The following MTMR3 variants were observed in gnomAD, a reference collection of about 807,000 sequenced individuals.
The protein encoded by MTMR3 is phosphatidylinositol-3,5-bisphosphate 3-phosphatase MTMR3.
Under a neutral mutation model 132.4 loss-of-function variants are expected in MTMR3, and 32 were observed. The ratio of observed to expected loss-of-function variants is 0.24; its 90% confidence interval spans 0.18 to 0.32. The LOEUF (loss-of-function observed/expected upper bound fraction) is 0.32. Among genes scored for constraint, MTMR3 ranks in the 10% least tolerant of loss-of-function variants. The pLI is 1.00. For synonymous variants in MTMR3, 556 were observed against 550.3 expected (o/e 1.01, Z -0.14); for missense variants, 1,216 against 1,489.6 (o/e 0.82, Z 3.02).
At chr22:29,984,161 C>T (rs952804116) in intron 5 of MTMR3, 5 of 152,050 alleles carry the variant, frequency 3.3e-5, no homozygotes, top group Admixed American at 2.0e-4. Context: ...CCCAGATATT[C>T]CACTTTATTA....
chr22:29,983,202 GT>G (rs1426530521), intron 5 of MTMR3: 2 of 152,148 alleles, frequency 1.3e-5, no homozygotes, highest in Non-Finnish European at 2.9e-5. Context: ...AATTTGTAGG[GT>G]AAGGAAAAAG....
At chr22:30,014,893 T>G (rs987796135) in intron 14 of MTMR3, 2 of 152,298 alleles carry the variant, frequency 1.3e-5, no homozygotes, top group Non-Finnish European at 2.9e-5. Context: ...ATTTCATCCA[T>G]TCTAGTGGCT....
At chr22:29,907,232 C>T (rs747674990) in intron 1 of MTMR3, among the ~76,000 whole-genome samples, 1 of 151,846 alleles carries the variant, frequency 6.6e-6, no homozygotes, top group Non-Finnish European at 1.5e-5. Context: ...AACCCCGTCC[C>T]TACTAAAAAA....
intron 8 of MTMR3, 139 bp from the exon 9 acceptor site, chr22:30,002,741 G>A (rs886459272): frequency 1.4e-4 from 85 of 601,624 alleles, no homozygotes; most frequent in Admixed American, 4.2e-4. Context: ...CGAATAAAGC[G>A]CCTCATTGCC....
At chr22:29,919,445 G>A (rs1569004150) in intron 1 of MTMR3, among the ~76,000 whole-genome samples, 1 of 152,178 alleles carries the variant, frequency 6.6e-6, no homozygotes, top group Non-Finnish European at 1.5e-5. Flanking sequence ...AATTACTGTC[G>A]TAAAACAGTG....
intron 7 of MTMR3, 53 bp from the exon 8 acceptor site, chr22:29,998,708 T>C (rs762623390): frequency 5.5e-5 from 72 of 1,310,742 alleles, no homozygotes; most frequent in Non-Finnish European, 7.3e-5. Flanking sequence ...TTCCACCTGT[T>C]TTGCAAAATG....
chr22:29,957,945 A>G (rs187777186), intron 2 of MTMR3, among the ~76,000 whole-genome samples: 1 of 152,210 alleles, frequency 6.6e-6, no homozygotes, highest in Non-Finnish European at 1.5e-5. Flanking sequence ...CACTGTTTCT[A>G]ATTTATAAAG....
Position 30,007,202 on chromosome 22 carries a change from G to A in MTMR3, c.760G>A (p.Val254Ile). ...GWRNADDEHL[V>I]QSVAKACASD... ...GCGAAATGCAGATGATGAGCATCTGGTACAGTCAGTAGCCAAAGCTTGTGC... is the reference window on the plus strand; with the variant it reads ...GCGAAATGCAGATGATGAGCATCTGATACAGTCAGTAGCCAAAGCTTGTGC... Residue 254 changes from valine (V) to isoleucine (I), a missense_variant, in exon 10 of 20, where the codon GTA (valine) becomes ATA (isoleucine). Transcript: ENST00000401950. 6.2e-7 allele frequency: 1 copy of A among 1,614,142 alleles called. No individual in the cohort carries two copies. Among genetic ancestry groups the A allele is most frequent in the Non-Finnish European group, 8.5e-7 (1 of 1,180,020 alleles).
chr22:30,017,853 C>G (rs1363292314), intron 15 of MTMR3, 74 bp from the exon 16 acceptor site: 1 of 1,592,056 alleles, frequency 6.3e-7, no homozygotes, highest in African/African-American at 1.3e-5. Flanking sequence ...GGTGCTTGCT[C>G]TTGATCCTCA....
intron 1 of MTMR3, among the ~76,000 whole-genome samples, chr22:29,920,169 G>A (rs542321356): frequency 9.3e-5 from 14 of 151,208 alleles, no homozygotes; most frequent in African/African-American, 2.7e-4. Flanking sequence ...AGCTGAGATC[G>A]CGCCACTGCA....
At chr22:29,893,155 T>C (rs1302222235) in intron 1 of MTMR3, among the ~76,000 whole-genome samples, 3 of 152,238 alleles carry the variant, frequency 2.0e-5, no homozygotes, top group Non-Finnish European at 4.4e-5. Flanking sequence ...AAATAAGTTA[T>C]AGCATTGTAA....
At chr22:29,984,874 T>C (rs1196304913) in intron 5 of MTMR3, 1 of 151,934 alleles carries the variant, frequency 6.6e-6, no homozygotes, top group Non-Finnish European at 1.5e-5. Flanking sequence ...GAAGCCCACG[T>C]GTAGGGGCAG....
intron 1 of MTMR3, among the ~76,000 whole-genome samples, chr22:29,936,060 C>A (rs777126095): frequency 1.6e-4 from 24 of 152,100 alleles, no homozygotes; most frequent in Admixed American, 2.0e-4. Context: ...CCTCCATGCC[C>A]ACTTTTAGGG....
At chr22:29,993,792 T>C (rs1316589054) in intron 7 of MTMR3, 1 of 152,238 alleles carries the variant, frequency 6.6e-6, no homozygotes, top group Non-Finnish European at 1.5e-5. Context: ...CCCCAGACCC[T>C]TCCCCTTCCT....
chr22:30,018,165 A>T, intron 16 of MTMR3, 93 bp downstream of exon 16: 2 of 1,319,736 alleles, frequency 1.5e-6, no homozygotes, highest in South Asian at 3.2e-5. Context: ...TCATGATGGT[A>T]TCTGGCTCCA....
chr22:29,944,939 G>T (rs2065924161), intron 1 of MTMR3, among the ~76,000 whole-genome samples: 1 of 152,180 alleles, frequency 6.6e-6, no homozygotes, highest in Non-Finnish European at 1.5e-5. Flanking sequence ...GCTGCTGTGT[G>T]TGATTTATAA....
chr22:29,924,487 C>T (rs1177276066), intron 1 of MTMR3, among the ~76,000 whole-genome samples: 1 of 152,148 alleles, frequency 6.6e-6, no homozygotes. Flanking sequence ...GTTTTGCAGT[C>T]AGTTAGTGTG....
At chr22:29,934,770 T>G (rs2145797371) in intron 1 of MTMR3, among the ~76,000 whole-genome samples, 1 of 152,336 alleles carries the variant, frequency 6.6e-6, no homozygotes, top group African/African-American at 2.4e-5. Context: ...CTTGAAGTCC[T>G]CACTGTTAAG....
chr22:29,954,536 C>T (rs957445014), intron 1 of MTMR3, among the ~76,000 whole-genome samples: 1 of 152,134 alleles, frequency 6.6e-6, no homozygotes, highest in African/African-American at 2.4e-5. Context: ...GCATTAAGCC[C>T]ACCTACTCGA....
Sources: allele counts gnomAD v4.1 joint callset (sites outside exome capture counted in the v4.1 genomes callset), GRCh38; gene constraint gnomAD v4.1.1; transcripts MANE v1.5; gene names NCBI Gene and HGNC (gene_info 2026-07-23, HGNC 2026-07-21).